ANKHD1: variants seen among roughly 807,000 people sequenced by gnomAD.
ANKHD1 encodes the protein ankyrin repeat and KH domain containing 1.
Under a neutral mutation model 230.5 loss-of-function variants are expected in ANKHD1, and 31 were observed. The observed-to-expected ratio is 0.13, with a 90% CI of 0.10 to 0.18. ANKHD1 has a LOEUF of 0.18. Ranked by LOEUF, ANKHD1 falls within the 10% of genes least tolerant of loss-of-function variation. The pLI is 1.00. For missense variants in ANKHD1, 2,256 were observed against 3,071.3 expected, an observed-to-expected ratio of 0.73 and a Z score of 6.27; for synonymous variants, 1,074 against 1,117.6, an observed-to-expected ratio of 0.96 and a Z score of 0.78.
At chr5:140,436,279 CT>C in intron 2 of ANKHD1, 22 bp downstream of exon 2, 1 of 1,513,226 alleles carries the variant, frequency 6.6e-7, no homozygotes, top group Non-Finnish European at 8.8e-7. Flanking sequence ...TTTGTTTTAT[CT>C]TTTTCATATC....
intron 29 of ANKHD1, 132 bp from the exon 30 acceptor site, chr5:140,535,230 A>G: frequency 7.3e-7 from 1 of 1,372,708 alleles, no homozygotes; most frequent in South Asian, 1.6e-5. Flanking sequence ...GTCTATGAAA[A>G]TGAGCCACAT....
At chr5:140,511,042 T>C (rs2127060592) in intron 22 of ANKHD1, among the ~76,000 whole-genome samples, 1 of 152,184 alleles carries the variant, frequency 6.6e-6, no homozygotes, top group South Asian at 2.1e-4. Flanking sequence ...CCCAGGCTGG[T>C]CTCAAACTCC....
chr5:140,448,502 A>G (rs892133033), intron 6 of ANKHD1, among the ~76,000 whole-genome samples: 3 of 152,292 alleles, frequency 2.0e-5, no homozygotes, highest in Admixed American at 6.5e-5. Context: ...ACTCCCACCA[A>G]CAATGTTTGA....
chr5:140,510,078 A>G lies in ANKHD1; in HGVS notation c.4001A>G (p.Asn1334Ser), dbSNP rs776343306. 1.3e-5 allele frequency: 21 copies of G among 1,614,014 alleles called. No individual in the cohort carries two copies. The highest frequency in any genetic ancestry group is 2.7e-5 in the African/African-American group (2 of 74,918). Reference protein sequence around the residue: ...KGNTPLWLASNGGHFDVVQLL... With the variant: ...KGNTPLWLASSGGHFDVVQLL... ...AATACGCCACTTTGGCTGGCATCCA[A>G]TGGAGGTCATTTTGATGTTGTGCAG... Residue 1334 changes from asparagine to serine, a missense_variant, in exon 22 of 34, where the codon AAT becomes AGT. Asn to Ser is a conservative substitution (Grantham distance 46, BLOSUM62 1). Coordinates refer to ENST00000360839, the MANE Select transcript of ANKHD1 (RefSeq NM_017747.3).
rs761371463 is a variant in ANKHD1 at position 140,539,037 on chromosome 5, T to C, written c.7523T>C (p.Met2508Thr). The change falls in exon 33 of 34, where the codon ATG (methionine) becomes ACG (threonine). Residue 2508 changes from methionine (M) to threonine (T), a missense_variant. Met to Thr is a moderately conservative substitution (Grantham distance 81). Transcript: ENST00000360839. ...LHNPDPAWNPMIKVIQNSTEC... is the reference protein window; with the variant it reads ...LHNPDPAWNPTIKVIQNSTEC... ...AATCCAGATCCTGCTTGGAACCCTATGATAAAAGTTATCCAAAATTCAACT... is the reference window on the plus strand; with the variant it reads ...AATCCAGATCCTGCTTGGAACCCTACGATAAAAGTTATCCAAAATTCAACT... 5 of 1,612,610 alleles carry C rather than the reference T, an allele frequency of 3.1e-6. No individual in the cohort carries two copies. The East Asian group carries it at 8.9e-5, about 29-fold the overall frequency.
chr5:140,523,543 C>G (rs976123331), intron 24 of ANKHD1, among the ~76,000 whole-genome samples: 1 of 150,646 alleles, frequency 6.6e-6, no homozygotes, highest in African/African-American at 2.4e-5. Context: ...ATATTTTTCC[C>G]ATTTTATAGG....
chr5:140,405,182 G>A (rs1561669659), intron 1 of ANKHD1, among the ~76,000 whole-genome samples: 2 of 152,044 alleles, frequency 1.3e-5, no homozygotes, highest in Non-Finnish European at 2.9e-5. Flanking sequence ...GTTTACTTAT[G>A]TTTTCTGTGC....
intron 15 of ANKHD1, among the ~76,000 whole-genome samples, chr5:140,503,722 C>G (rs998307097): frequency 6.6e-6 from 1 of 151,574 alleles, no homozygotes; most frequent in Non-Finnish European, 1.5e-5. Flanking sequence ...CGCGTTCCAC[C>G]ACTCCCAGCT....
intron 1 of ANKHD1, among the ~76,000 whole-genome samples, chr5:140,429,231 C>A (rs927240003): frequency 1.3e-5 from 2 of 151,378 alleles, no homozygotes; most frequent in Admixed American, 6.6e-5. Flanking sequence ...GTAGCTGGGA[C>A]TACAGGCGCC....
intron 15 of ANKHD1, among the ~76,000 whole-genome samples, chr5:140,498,866 T>TC (rs1283691574): frequency 6.6e-6 from 1 of 151,652 alleles, no homozygotes; most frequent in African/African-American, 2.4e-5. Context: ...TTTTTTTTTT[T>TC]TAAAGAATGT....
rs543376004 is a variant in ANKHD1 at position 140,475,580 on chromosome 5, A to G, written c.1783-7000A>G. Among the ~76,000 whole-genome samples, 517 of 152,096 alleles carry G rather than the reference A, an allele frequency of 3.4e-3. 1 individual carries two copies. The highest frequency in any genetic ancestry group is 5.2e-3 in the Non-Finnish European group (353 of 67,962). On this transcript the variant is annotated intron_variant, in intron 10 of 33. Coordinates refer to ENST00000360839, the MANE Select transcript of ANKHD1 (RefSeq NM_017747.3). ...AACAAACCCAAAAAAACTAAAAAAA[A>G]GGGGGGAAAAATTAGCAAATTGTCG... is the stretch of plus-strand genomic sequence containing the variant.
At chr5:140,405,114 T>G (rs1770325044) in intron 1 of ANKHD1, among the ~76,000 whole-genome samples, 1 of 152,066 alleles carries the variant, frequency 6.6e-6, no homozygotes, top group South Asian at 2.1e-4. Context: ...AGTCATGTGT[T>G]GGTGATTCCT....
chr5:140,511,852 T>G (rs1012042947), intron 22 of ANKHD1, among the ~76,000 whole-genome samples: 4 of 152,218 alleles, frequency 2.6e-5, no homozygotes, highest in African/African-American at 9.6e-5. Context: ...AGGCAAGCAT[T>G]TCTCTGATTT....
At chr5:140,442,030 A>ATTTTTTTTT (rs1561726990) in intron 5 of ANKHD1, among the ~76,000 whole-genome samples, 3 of 134,528 alleles carry the variant, frequency 2.2e-5, no homozygotes, top group African/African-American at 8.5e-5. Context: ...CTAATAAGAT[A>ATTTTTTTTT]TTCTTTTTTT....
intron 10 of ANKHD1, among the ~76,000 whole-genome samples, chr5:140,472,692 A>T (rs1474377612): frequency 6.6e-6 from 1 of 151,770 alleles, no homozygotes; most frequent in East Asian, 1.9e-4. Flanking sequence ...GGATTGTTTT[A>T]AAAATAATAC....
chr5:140,538,775 A>G (rs1754186846), intron 32 of ANKHD1, 144 bp from the exon 33 acceptor site: 5 of 1,008,476 alleles, frequency 5.0e-6, no homozygotes, highest in Middle Eastern at 3.6e-4. Context: ...TGTTTTCTCA[A>G]CACTGCCATA....
intron 1 of ANKHD1, among the ~76,000 whole-genome samples, chr5:140,407,705 T>A (rs1216951939): frequency 6.6e-6 from 1 of 152,210 alleles, no homozygotes. Context: ...AACCAATTTT[T>A]AAATTTTAAT....
chr5:140,478,221 A>G (rs1226126093), intron 10 of ANKHD1, among the ~76,000 whole-genome samples: 1 of 152,128 alleles, frequency 6.6e-6, no homozygotes, highest in African/African-American at 2.4e-5. Context: ...AAAAAATATA[A>G]AAGCAAAAGT....
chr5:140,509,976 C>G, intron 21 of ANKHD1, 43 bp from the exon 22 acceptor site: 1 of 1,558,450 alleles, frequency 6.4e-7, no homozygotes. Context: ...AAAAGCCAGC[C>G]TCTTCTTACA....
Sources: allele counts gnomAD v4.1 joint callset (sites outside exome capture counted in the v4.1 genomes callset), GRCh38; gene constraint gnomAD v4.1.1; transcripts MANE v1.5; gene names NCBI Gene and HGNC (gene_info 2026-07-23, HGNC 2026-07-21).